Variants in CNTNAP5 observed in about 807,000 individuals in gnomAD.
CNTNAP5 encodes contactin associated protein family member 5, also known as contactin-associated protein-like 5.
In CNTNAP5, 72 loss-of-function variants were observed where a neutral mutation model predicts 150.2. The ratio of observed to expected loss-of-function variants is 0.48; its 90% confidence interval spans 0.40 to 0.58. CNTNAP5 has a LOEUF of 0.58. Ranked by LOEUF, CNTNAP5 falls within the 20% of genes least tolerant of loss-of-function variation. CNTNAP5 has a pLI of 0.00. For missense variants in CNTNAP5, 1,636 were observed against 1,626.2 expected (o/e 1.01, Z -0.10); for synonymous variants, 672 against 619.8 (o/e 1.08, Z -1.25).
At chr2:124,380,977 A>G (rs1028780120) in intron 3 of CNTNAP5, among the ~76,000 whole-genome samples, 16 of 152,182 alleles carry the variant, frequency 1.1e-4, no homozygotes, top group African/African-American at 3.6e-4. Context: ...TCCCTGGGGA[A>G]GAGAGGGCTG....
At chr2:124,248,187 G>C (rs979359938) in intron 3 of CNTNAP5, among the ~76,000 whole-genome samples, 9 of 152,144 alleles carry the variant, frequency 5.9e-5, no homozygotes, top group African/African-American at 2.2e-4. Context: ...GCATGACCTT[G>C]AAAATGTCCC....
At chr2:124,750,079 A>G (rs1433002621) in intron 14 of CNTNAP5, among the ~76,000 whole-genome samples, 1 of 152,082 alleles carries the variant, frequency 6.6e-6, no homozygotes, top group Non-Finnish European at 1.5e-5. Flanking sequence ...GTCTTCTCTC[A>G]CCTTGATCAT....
At chr2:124,569,013 A>G (rs1573465623) in intron 11 of CNTNAP5, among the ~76,000 whole-genome samples, 1 of 152,154 alleles carries the variant, frequency 6.6e-6, no homozygotes, top group Non-Finnish European at 1.5e-5. Flanking sequence ...GCGCCACTGC[A>G]CTCCAGCCTG....
intron 11 of CNTNAP5, among the ~76,000 whole-genome samples, chr2:124,578,348 A>G (rs1323566329): frequency 6.7e-6 from 1 of 150,174 alleles, no homozygotes; most frequent in Non-Finnish European, 1.5e-5. Flanking sequence ...AAAAAAAAAA[A>G]GATGCTGAAC....
In CNTNAP5 at chr2:124,763,887, C is replaced by T. The variant is rs182106940; in HGVS notation, c.2362+88C>T. Reference sequence around the variant, plus strand: ...CCTTATCCCTTTTCCCTGCAGTGTGCCCTAGTCTTGAAAATTATCCACATG... The same window carrying T: ...CCTTATCCCTTTTCCCTGCAGTGTGTCCTAGTCTTGAAAATTATCCACATG... On this transcript the variant is annotated intron_variant, in intron 15 of 23. Transcript: ENST00000682447. 2.6e-4 allele frequency: 415 copies of T among 1,591,298 alleles called. 1 individual carries two copies. In the African/African-American group the frequency reaches 5.1e-3, roughly 19 times the overall value.
chr2:124,713,291 T>TTC lies in CNTNAP5; in HGVS notation c.2078-33936_2078-33935dup, dbSNP rs1558746783. On this transcript the variant is annotated intron_variant, in intron 13 of 23. Transcript: ENST00000682447. ...TTTCTTTCTTTCTTTCTTTCTTTCTTTCTTTCTTTCTTCTTTCTCTTTCTT... is the reference window on the plus strand; with the variant it reads ...TTTCTTTCTTTCTTTCTTTCTTTCTTTCTCTTTCTTTCTTCTTTCTCTTTCTT... 5.0e-4 allele frequency among the ~76,000 whole-genome samples: 64 copies of TTC among 127,746 alleles called. 1 individual carries two copies. The highest frequency in any genetic ancestry group is 4.1e-3 in the Middle Eastern group (1 of 242). 83.8% of individuals were successfully genotyped at this position (127,746 alleles called of 152,430 possible).
intron 7 of CNTNAP5, among the ~76,000 whole-genome samples, chr2:124,490,499 C>A (rs979543256): frequency 6.6e-5 from 10 of 151,950 alleles, no homozygotes; most frequent in South Asian, 2.1e-4. Context: ...AGGGATCTTT[C>A]CACAATCTCT....
chr2:124,657,996 C>T (rs570389976), intron 13 of CNTNAP5, among the ~76,000 whole-genome samples: 3 of 152,336 alleles, frequency 2.0e-5, no homozygotes, highest in Admixed American at 2.0e-4. Flanking sequence ...AGAATGTGAG[C>T]TTCTTGTAAG....
intron 1 of CNTNAP5, among the ~76,000 whole-genome samples, chr2:124,171,656 T>C (rs1397173154): frequency 6.6e-6 from 1 of 152,224 alleles, no homozygotes; most frequent in Non-Finnish European, 1.5e-5. Context: ...AGTCAAGGTC[T>C]ATCTACTAGA....
At chr2:124,182,435 T>G (rs1685230803) in intron 1 of CNTNAP5, among the ~76,000 whole-genome samples, 2 of 150,774 alleles carry the variant, frequency 1.3e-5, no homozygotes, top group African/African-American at 4.9e-5. Context: ...AAACTGAGAC[T>G]CAGGAAGCGG....
At chr2:124,870,786 C>G (rs1348933679) in intron 21 of CNTNAP5, among the ~76,000 whole-genome samples, 1 of 152,000 alleles carries the variant, frequency 6.6e-6, no homozygotes. Flanking sequence ...ATACTGTATG[C>G]AAATTCACAG....
intron 1 of CNTNAP5, among the ~76,000 whole-genome samples, chr2:124,186,294 C>CA (rs1685330711): frequency 6.6e-6 from 1 of 152,128 alleles, no homozygotes; most frequent in Admixed American, 6.5e-5. Flanking sequence ...TATGTTTAGA[C>CA]AAAAATTACT....
chr2:124,485,631 A>AAAAAAAAAAAAAAAAAAAAAAAGAAGAAG lies in CNTNAP5; in HGVS notation c.1062+10752_1062+10753insAAAAAAAAAAAAAAAAAAAGAAGAAGAAA. 5.5e-4 allele frequency among the ~76,000 whole-genome samples: 74 copies of AAAAAAAAAAAAAAAAAAAAAAAGAAGAAG among 134,162 alleles called. 1 individual carries two copies. Among genetic ancestry groups the AAAAAAAAAAAAAAAAAAAAAAAGAAGAAG allele is most frequent in the African/African-American group, 1.3e-3 (43 of 32,104 alleles). 88.0% of individuals were successfully genotyped at this position (134,162 alleles called of 152,430 possible). On this transcript the variant is annotated intron_variant, in intron 7 of 23. Transcript: ENST00000682447. ...CTGTCTCAAAAAAAAAAAAAAAAAA[A>AAAAAAAAAAAAAAAAAAAAAAAGAAGAAG]AAAGAAGAAGGTGCATTTACCGGGG...
chr2:124,912,411 G>A (rs1045901142), intron 23 of CNTNAP5, among the ~76,000 whole-genome samples: 4 of 152,010 alleles, frequency 2.6e-5, no homozygotes, highest in African/African-American at 9.7e-5. Context: ...GAGGAATATG[G>A]GGATGAATGA....
chr2:124,503,818 C>T (rs573788645), intron 7 of CNTNAP5, among the ~76,000 whole-genome samples: 1 of 152,096 alleles, frequency 6.6e-6, no homozygotes, highest in African/African-American at 2.4e-5. Flanking sequence ...GTCAAGTTAC[C>T]CCCACTCCAC....
intron 1 of CNTNAP5, among the ~76,000 whole-genome samples, chr2:124,077,097 C>T (rs1682455215): frequency 6.7e-6 from 1 of 150,018 alleles, no homozygotes; most frequent in African/African-American, 2.4e-5. Flanking sequence ...ATTATTAGGG[C>T]TTGAAAGAGT....
Position 124,446,947 on chromosome 2 carries a change from TC to T in CNTNAP5, c.918+12del. 1.2e-6 allele frequency: 2 copies of T among 1,609,118 alleles called. No homozygotes were observed. The highest frequency in any genetic ancestry group is 1.7e-6 in the Non-Finnish European group (2 of 1,176,504). On this transcript the variant is annotated intron_variant, in intron 6 of 23. Coordinates refer to ENST00000682447, the MANE Select transcript of CNTNAP5 (RefSeq NM_001367498.1). Reference sequence around the variant, plus strand: ...AGACATTGACTATGAGGTGAGTTGATCCTCCTTCCTGCACCTCCTCGGCCCC... The same window carrying T: ...AGACATTGACTATGAGGTGAGTTGATCTCCTTCCTGCACCTCCTCGGCCCC...
At chr2:124,450,385 G>C (rs979698297) in intron 6 of CNTNAP5, among the ~76,000 whole-genome samples, 18 of 151,570 alleles carry the variant, frequency 1.2e-4, no homozygotes, top group Admixed American at 6.6e-5. Context: ...GCAAGAAAAG[G>C]TAGTAGCTTT....
chr2:124,757,846 A>T (rs1294216829), intron 14 of CNTNAP5, among the ~76,000 whole-genome samples: 2 of 152,128 alleles, frequency 1.3e-5, no homozygotes, highest in Non-Finnish European at 2.9e-5. Context: ...CTTATTTTTT[A>T]AAAAATAGTT....
Sources: allele counts gnomAD v4.1 joint callset (sites outside exome capture counted in the v4.1 genomes callset), GRCh38; gene constraint gnomAD v4.1.1; transcripts MANE v1.5; gene names NCBI Gene and HGNC (gene_info 2026-07-23, HGNC 2026-07-21).